NBEA: variants seen among roughly 807,000 people sequenced by gnomAD.
NBEA encodes neurobeachin, also known as lysosomal-trafficking regulator 2.
Under a neutral mutation model 343.4 loss-of-function variants are expected in NBEA, and 44 were observed. That is an observed-to-expected ratio of 0.13 (90% CI 0.10 to 0.16). NBEA has a LOEUF of 0.16. NBEA is among the 10% of genes least tolerant of loss of function. The pLI, the probability that NBEA is intolerant of heterozygous loss-of-function variation, is 1.00. For synonymous variants in NBEA, 1,175 were observed against 1,238.7 expected (o/e 0.95, Z 1.08); for missense variants, 2,555 against 3,631.3 (o/e 0.70, Z 7.62).
At chr13:35,451,495 C>T (rs1264267123) in intron 39 of NBEA, among the ~76,000 whole-genome samples, 1 of 152,168 alleles carries the variant, frequency 6.6e-6, no homozygotes, top group Non-Finnish European at 1.5e-5. Flanking sequence ...TCACTAATTG[C>T]TAAAGAAATA....
intron 36 of NBEA, among the ~76,000 whole-genome samples, chr13:35,335,938 G>A (rs921099215): frequency 5.9e-5 from 9 of 152,136 alleles, no homozygotes; most frequent in South Asian, 2.1e-4. Context: ...CTGGCCTTGC[G>A]ACAATATGGA....
At chr13:35,320,261 T>G (rs536208200) in intron 36 of NBEA, among the ~76,000 whole-genome samples, 1 of 152,232 alleles carries the variant, frequency 6.6e-6, no homozygotes, top group African/African-American at 2.4e-5. Flanking sequence ...ATTTACTGTT[T>G]CCTTCGGGAG....
At chr13:35,305,935 ATTC>A (rs1239400668) in intron 35 of NBEA, among the ~76,000 whole-genome samples, 4 of 152,156 alleles carry the variant, frequency 2.6e-5, no homozygotes, top group Non-Finnish European at 5.9e-5. Context: ...TGAGTATTCT[ATTC>A]TTCATAATTT....
intron 55 of NBEA, among the ~76,000 whole-genome samples, chr13:35,658,697 A>G (rs566208135): frequency 1.1e-3 from 175 of 152,338 alleles, no homozygotes; most frequent in African/African-American, 4.0e-3. Context: ...TTAACTTTAC[A>G]TCAAATTGAT....
chr13:35,494,566 TAAAAAAC>T (rs1217654896), intron 41 of NBEA, among the ~76,000 whole-genome samples: 1 of 151,654 alleles, frequency 6.6e-6, no homozygotes, highest in African/African-American at 2.4e-5. Context: ...TAGATGTAGT[TAAAAAAC>T]AAGTGAAGGA....
chr13:35,138,237 A>G (rs1419690807), intron 17 of NBEA, among the ~76,000 whole-genome samples: 4 of 152,178 alleles, frequency 2.6e-5, no homozygotes, highest in African/African-American at 9.6e-5. Flanking sequence ...ATACCTTAAT[A>G]GTAGAAATAT....
intron 34 of NBEA, among the ~76,000 whole-genome samples, chr13:35,263,340 C>CT (rs1442185563): frequency 6.6e-6 from 1 of 152,158 alleles, no homozygotes; most frequent in African/African-American, 2.4e-5. Context: ...TTGTAGCAGA[C>CT]TTTATCAGCT....
At chr13:35,668,307 G>C (rs2085450990) in intron 57 of NBEA, 61 bp from the exon 58 acceptor site, 3 of 1,506,394 alleles carry the variant, frequency 2.0e-6, no homozygotes, top group Non-Finnish European at 2.7e-6. Flanking sequence ...GAGAGAAATG[G>C]TTGTTGTGTA....
intron 11 of NBEA, among the ~76,000 whole-genome samples, chr13:35,099,480 A>G (rs1354598304): frequency 6.6e-6 from 1 of 152,140 alleles, no homozygotes. Context: ...GATTACAGGC[A>G]TGAACCACCG....
In NBEA at chr13:35,159,578, A is replaced by G; in HGVS notation, c.3407A>G (p.Lys1136Arg). The G allele has an allele frequency of 6.2e-7, 1 of 1,612,448 alleles. No individual in the cohort carries two copies. Among genetic ancestry groups the G allele is most frequent in the Non-Finnish European group, 8.5e-7 (1 of 1,179,380 alleles). The part of the protein sequence containing the change: ...NGPLITLADE[K>R]EDLPNSSTSF... Reference sequence around the variant, plus strand: ...CCATTGATAACATTAGCAGATGAGAAAGAAGACCTTCCCAATAGTAGTACA... The same window carrying G: ...CCATTGATAACATTAGCAGATGAGAGAGAAGACCTTCCCAATAGTAGTACA... Residue 1136 changes from lysine to arginine, a missense_variant, in exon 22 of 59, where the codon AAA (lysine) becomes AGA (arginine). Lys to Arg is a conservative substitution (Grantham distance 26). Coordinates refer to ENST00000379939, the MANE Select transcript of NBEA (RefSeq NM_001385012.1).
intron 13 of NBEA, among the ~76,000 whole-genome samples, chr13:35,115,713 C>A (rs1326574556): frequency 6.6e-6 from 1 of 152,084 alleles, no homozygotes; most frequent in Non-Finnish European, 1.5e-5. Context: ...TATTTCTTTG[C>A]AACATGCTGT....
At chr13:34,965,790 A>G (rs1385679427) in intron 1 of NBEA, among the ~76,000 whole-genome samples, 1 of 152,042 alleles carries the variant, frequency 6.6e-6, no homozygotes, top group Non-Finnish European at 1.5e-5. Context: ...GTAATGCATT[A>G]AATGTGTATA....
chr13:35,299,094 A>G (rs988617947), intron 35 of NBEA, among the ~76,000 whole-genome samples: 1 of 152,106 alleles, frequency 6.6e-6, no homozygotes, highest in African/African-American at 2.4e-5. Flanking sequence ...TAAACATGCC[A>G]GTTATAATGA....
chr13:35,223,154 A>G (rs1023781031), intron 33 of NBEA, among the ~76,000 whole-genome samples: 1 of 152,160 alleles, frequency 6.6e-6, no homozygotes, highest in Non-Finnish European at 1.5e-5. Context: ...GAAAATAAAC[A>G]GTACACTGCT....
At chr13:35,181,774 T>C (rs1257911434) in intron 28 of NBEA, among the ~76,000 whole-genome samples, 1 of 151,732 alleles carries the variant, frequency 6.6e-6, no homozygotes, top group Non-Finnish European at 1.5e-5. Flanking sequence ...GTTACCTGTT[T>C]ATACGATCAA....
intron 41 of NBEA, among the ~76,000 whole-genome samples, chr13:35,509,003 T>C (rs966213107): frequency 6.6e-5 from 10 of 152,196 alleles, no homozygotes; most frequent in African/African-American, 1.7e-4. Context: ...TTTCAATGGA[T>C]ATGCCTTTTA....
chr13:35,288,589 G>A (rs912888929), intron 34 of NBEA, among the ~76,000 whole-genome samples: 1 of 151,802 alleles, frequency 6.6e-6, no homozygotes, highest in Non-Finnish European at 1.5e-5. Flanking sequence ...TGGAATGATG[G>A]TATTTGTAAA....
chr13:35,552,193 C>A (rs1357947056), intron 43 of NBEA, among the ~76,000 whole-genome samples: 1 of 152,204 alleles, frequency 6.6e-6, no homozygotes, highest in Non-Finnish European at 1.5e-5. Flanking sequence ...TCTATCCTCC[C>A]TTAAATAGGC....
intron 30 of NBEA, among the ~76,000 whole-genome samples, chr13:35,190,502 T>A (rs944290985): frequency 6.6e-6 from 1 of 152,076 alleles, no homozygotes; most frequent in African/African-American, 2.4e-5. Context: ...GGGTGGAACA[T>A]TTATTGGTTC....
Sources: allele counts gnomAD v4.1 joint callset (sites outside exome capture counted in the v4.1 genomes callset), GRCh38; gene constraint gnomAD v4.1.1; transcripts MANE v1.5; gene names NCBI Gene and HGNC (gene_info 2026-07-23, HGNC 2026-07-21).